The following PHGDH variants were observed in gnomAD, a reference collection of about 807,000 sequenced individuals.
PHGDH encodes the protein D-3-phosphoglycerate dehydrogenase.
PHGDH carries 50 observed loss-of-function variants against 52.6 expected under a neutral mutation model. That is an observed-to-expected ratio of 0.95 (90% confidence interval 0.76 to 1.20). The LOEUF (loss-of-function observed/expected upper bound fraction) is 1.20, where lower values mean the gene tolerates loss of function less well. Among genes scored for constraint, PHGDH ranks in the 50% most tolerant of loss-of-function variants. The pLI, the probability that PHGDH is intolerant of heterozygous loss-of-function variation, is 0.00. For missense variants in PHGDH, 630 were observed against 684.6 expected (o/e 0.92, Z 0.89); for synonymous variants, 271 against 280.5 (o/e 0.97, Z 0.34).
Position 119,712,129 on chromosome 1 carries a change from T to G in PHGDH, c.107T>G (p.Leu36Arg), listed in dbSNP as rs904243407. 1 of 1,613,978 alleles carries G rather than the reference T, an allele frequency of 6.2e-7. No homozygotes were observed. The highest frequency in any genetic ancestry group is 1.3e-5 in the African/African-American group (1 of 74,924). The change falls in exon 1 of 12, where the codon CTT (leucine) becomes CGT (arginine). Residue 36 changes from leucine (L) to arginine (R), a missense_variant. Physicochemically the swap from Leu to Arg is moderately radical, Grantham distance 102. Coordinates refer to ENST00000641023, the MANE Select transcript of PHGDH (RefSeq NM_006623.4). ...CTGCAGGTGGTGGAAAAGCAGAACC[T>G]TAGCAAAGAGGAGCTGATAGCGGAG... ...GGLQVVEKQN[L>R]SKEELIAELQ...
At chr1:119,722,625 T>C (rs1389665349) in intron 2 of PHGDH, among the ~76,000 whole-genome samples, 1 of 151,464 alleles carries the variant, frequency 6.6e-6, no homozygotes, top group African/African-American at 2.4e-5. Flanking sequence ...CTCACACCTG[T>C]AATCCCAGCA....
At chr1:119,715,035 TA>T (rs1481252686) in intron 1 of PHGDH, among the ~76,000 whole-genome samples, 1 of 152,234 alleles carries the variant, frequency 6.6e-6, no homozygotes, top group East Asian at 1.9e-4. Flanking sequence ...ATATACCTAA[TA>T]TGCCGGAAAA....
intron 2 of PHGDH, chr1:119,721,619 G>A (rs1338548130): frequency 2.9e-6 from 1 of 343,706 alleles, no homozygotes; most frequent in Non-Finnish European, 5.4e-6. Context: ...ATGCGCAGTT[G>A]CTTGCACCTC....
In PHGDH at chr1:119,735,346, T is replaced by C; in HGVS notation, c.695T>C (p.Val232Ala). ...FAQCKKGVRV[V>A]NCARGGIVDE... Reference sequence around the variant, plus strand: ...CAGTGCAAGAAGGGGGTGCGTGTGGTGAACTGTGCCCGTGGAGGGATCGTG... The same window carrying C: ...CAGTGCAAGAAGGGGGTGCGTGTGGCGAACTGTGCCCGTGGAGGGATCGTG... Residue 232 changes from valine (V) to alanine (A), a missense_variant, in exon 7 of 12, where the codon GTG becomes GCG. Transcript: ENST00000641023. The C allele has an allele frequency of 6.2e-7, 1 of 1,614,184 alleles. No homozygotes were observed. The highest frequency in any genetic ancestry group is 1.1e-5 in the South Asian group (1 of 91,086).
rs587624144 is a variant in PHGDH at position 119,725,843 on chromosome 1, T to C, written c.357-1008T>C. ...CTGGCCGTGCTGGGGTTGACTTTGC[T>C]GGCTTTGAATCTGTTCAAGTGCCTC... On this transcript the variant is annotated intron_variant, in intron 3 of 11. Coordinates refer to ENST00000641023, the MANE Select transcript of PHGDH (RefSeq NM_006623.4). Among the ~76,000 whole-genome samples the C allele has an allele frequency of 4.6e-5, 7 of 152,358 alleles. No individual in the cohort carries two copies. In the South Asian group the frequency reaches 1.2e-3, roughly 27 times the overall value.
chr1:119,718,197 G>A (rs181405225), intron 1 of PHGDH, among the ~76,000 whole-genome samples: 6 of 152,306 alleles, frequency 3.9e-5, no homozygotes, highest in Admixed American at 3.9e-4. Context: ...CCTGGTTTAG[G>A]TGTCTAAATG....
chr1:119,743,395 C>T (rs1652301235), intron 11 of PHGDH, among the ~76,000 whole-genome samples: 1 of 152,202 alleles, frequency 6.6e-6, no homozygotes, highest in Non-Finnish European at 1.5e-5. Context: ...GTTTCTTACT[C>T]CTACCTGCTG....
chr1:119,735,335 G>GGTGTT lies in PHGDH; in HGVS notation c.687_688insTTGTG (p.Arg230LeufsTer5). 1 of 1,614,226 alleles carries GGTGTT rather than the reference G, an allele frequency of 6.2e-7. No individual in the cohort carries two copies. The highest frequency in any genetic ancestry group is 1.3e-5 in the African/African-American group (1 of 75,068). On this transcript the variant is annotated frameshift_variant, in exon 7 of 12. Transcript: ENST00000641023. LOFTEE classifies it high-confidence loss of function. ...ACACCTTTGCCCAGTGCAAGAAGGGGGTGCGTGTGGTGAACTGTGCCCGTG... is the reference window on the plus strand; with the variant it reads ...ACACCTTTGCCCAGTGCAAGAAGGGGGTGTTGTGCGTGTGGTGAACTGTGCCCGTG...
chr1:119,738,415 G>A (rs903220881), intron 8 of PHGDH, among the ~76,000 whole-genome samples: 1 of 152,208 alleles, frequency 6.6e-6, no homozygotes, highest in Non-Finnish European at 1.5e-5. Flanking sequence ...AGTCAGCAGG[G>A]CTATGACCAG....
intron 1 of PHGDH, chr1:119,715,820 C>G (rs1650906961): frequency 6.6e-6 from 1 of 152,316 alleles, no homozygotes; most frequent in African/African-American, 2.4e-5. Context: ...GAATTTGGTG[C>G]TGTGTAGAGA....
intron 7 of PHGDH, 54 bp from the exon 8 acceptor site, chr1:119,737,060 A>G (rs1651969478): frequency 5.0e-6 from 8 of 1,598,700 alleles, no homozygotes; most frequent in Middle Eastern, 1.9e-4. Flanking sequence ...GGGTGGCCCA[A>G]GAGGGTGTGG....
intron 1 of PHGDH, among the ~76,000 whole-genome samples, chr1:119,717,171 G>T (rs28501188): frequency 2.9e-4 from 40 of 138,862 alleles, no homozygotes; most frequent in African/African-American, 1.1e-3. Context: ...GGCGGAGGTT[G>T]CAGTGAGCCA....
chr1:119,738,730 G>A (rs1404413846), intron 8 of PHGDH, among the ~76,000 whole-genome samples: 1 of 151,094 alleles, frequency 6.6e-6, no homozygotes, highest in African/African-American at 2.4e-5. Context: ...ACATTCCAGA[G>A]CTTTTCCTGA....
intron 5 of PHGDH, among the ~76,000 whole-genome samples, chr1:119,732,812 G>A (rs1651756542): frequency 6.6e-6 from 1 of 152,204 alleles, no homozygotes; most frequent in African/African-American, 2.4e-5. Flanking sequence ...AGCCTGCAGG[G>A]TCCTTCCTCC....
At position 119,721,291 on chromosome 1, in the gene PHGDH, C is replaced by T. The variant is rs1235503136; in HGVS notation, c.260C>T (p.Ala87Val). The change falls in exon 2 of 12, where the codon GCC (alanine) becomes GTC (valine). Residue 87 changes from alanine (A) to valine (V), a missense_variant. Coordinates refer to ENST00000641023, the MANE Select transcript of PHGDH (RefSeq NM_006623.4). Reference sequence around the variant, plus strand: ...GGTGTGGACAATGTGGATCTGGAGGCCGCAACAAGGAAGGGCATCTTGGTT... The same window carrying T: ...GGTGTGGACAATGTGGATCTGGAGGTCGCAACAAGGAAGGGCATCTTGGTT... ...GTGVDNVDLEAATRKGILVMN... is the reference protein window; with the variant it reads ...GTGVDNVDLEVATRKGILVMN... The T allele has an allele frequency of 1.2e-6, 2 of 1,613,920 alleles. No individual in the cohort carries two copies. Among genetic ancestry groups the T allele is most frequent in the Non-Finnish European group, 8.5e-7 (1 of 1,180,012 alleles).
chr1:119,743,419 C>A (rs1429973737), intron 11 of PHGDH, among the ~76,000 whole-genome samples: 6 of 152,312 alleles, frequency 3.9e-5, no homozygotes, highest in Non-Finnish European at 5.9e-5. Flanking sequence ...CTGTGGCTGT[C>A]CCTGGTGGCC....
chr1:119,716,056 GT>G (rs1650919886), intron 1 of PHGDH: 1 of 152,612 alleles, frequency 6.6e-6, no homozygotes, highest in South Asian at 2.1e-4. Flanking sequence ...GGCTTTGAGG[GT>G]CCAGCAGGAG....
chr1:119,724,717 A>G, intron 3 of PHGDH: 1 of 439,142 alleles, frequency 2.3e-6, no homozygotes, highest in South Asian at 1.6e-5. Flanking sequence ...CTGATTAATT[A>G]CCTCACTTTT....
chr1:119,726,456 C>G (rs2843023), intron 3 of PHGDH, among the ~76,000 whole-genome samples: 136,627 of 152,130 alleles, frequency 0.9, 61,453 homozygotes, highest in East Asian at 0.98. Context: ...ATAGGTAGAT[C>G]AAAATAATTC....
Sources: allele counts gnomAD v4.1 joint callset (sites outside exome capture counted in the v4.1 genomes callset), GRCh38; gene constraint gnomAD v4.1.1; transcripts MANE v1.5; gene names NCBI Gene and HGNC (gene_info 2026-07-23, HGNC 2026-07-21).